Variants in NREP observed in about 807,000 individuals in gnomAD.
NREP encodes neuronal regeneration-related protein.
A neutral mutation model predicts 8.6 loss-of-function variants in NREP; 5 were observed. The ratio of observed to expected loss-of-function variants is 0.58; its 90% CI spans 0.30 to 1.22. NREP has a LOEUF of 1.22. Among genes scored for constraint, NREP ranks in the 50% most tolerant of loss-of-function variants. NREP has a pLI of 0.07. For missense variants in NREP, 86 were observed against 82.5 expected (o/e 1.04, Z -0.17); for synonymous variants, 27 against 28.0 (o/e 0.96, Z 0.11).
intron 2 of NREP, among the ~76,000 whole-genome samples, chr5:111,778,990 C>T (rs185536447): frequency 3.3e-5 from 5 of 152,088 alleles, no homozygotes; most frequent in Non-Finnish European, 5.9e-5. Context: ...GCAACCTTTA[C>T]GTTGCAATCA....
intron 2 of NREP, among the ~76,000 whole-genome samples, chr5:111,789,429 C>T (rs529747845): frequency 1.3e-5 from 2 of 152,254 alleles, no homozygotes; most frequent in Non-Finnish European, 2.9e-5. Context: ...GGTCTACATT[C>T]ATGTTTTTTC....
At chr5:111,798,306 A>AT (rs1751917678) in intron 2 of NREP, among the ~76,000 whole-genome samples, 1 of 152,154 alleles carries the variant, frequency 6.6e-6, no homozygotes, top group Non-Finnish European at 1.5e-5. Context: ...TTGGAAATTG[A>AT]CTTTTTCTAA....
At chr5:111,904,623 T>C (rs899194539) in intron 2 of NREP, among the ~76,000 whole-genome samples, 1 of 152,102 alleles carries the variant, frequency 6.6e-6, no homozygotes, top group Non-Finnish European at 1.5e-5. Context: ...TCATATTCCA[T>C]TGTATGTGAA....
At chr5:111,976,629 A>G in intron 1 of NREP, 1 of 1,188,978 alleles carries the variant, frequency 8.4e-7, no homozygotes, top group Non-Finnish European at 1.2e-6. Context: ...TCAGTGAGGC[A>G]GAGACAAACA....
chr5:111,793,613 C>A (rs1417700551), intron 2 of NREP, among the ~76,000 whole-genome samples: 1 of 152,166 alleles, frequency 6.6e-6, no homozygotes, highest in Admixed American at 6.5e-5. Context: ...CACAAACACA[C>A]TCAGAGATAA....
chr5:111,823,522 AGAAT>A (rs1254700686), intron 2 of NREP, among the ~76,000 whole-genome samples: 2 of 152,240 alleles, frequency 1.3e-5, no homozygotes, highest in Non-Finnish European at 2.9e-5. Flanking sequence ...TTGTTAAAAT[AGAAT>A]GATATAAAGA....
chr5:111,842,288 G>T (rs1269334558), intron 2 of NREP, among the ~76,000 whole-genome samples: 1 of 152,138 alleles, frequency 6.6e-6, no homozygotes, highest in Non-Finnish European at 1.5e-5. Context: ...CTATGCTAGA[G>T]ACAATGTAGT....
chr5:111,828,096 T>C (rs1461548403), intron 2 of NREP, among the ~76,000 whole-genome samples: 1 of 151,956 alleles, frequency 6.6e-6, no homozygotes, highest in Non-Finnish European at 1.5e-5. Flanking sequence ...AATGGCACGA[T>C]CTCGGCTCAC....
intron 2 of NREP, among the ~76,000 whole-genome samples, chr5:111,931,856 C>T (rs942767806): frequency 6.6e-5 from 10 of 151,938 alleles, no homozygotes; most frequent in African/African-American, 2.4e-4. Flanking sequence ...AAATAGATAT[C>T]TTTCTCATTA....
intron 2 of NREP, among the ~76,000 whole-genome samples, chr5:111,843,012 G>A (rs1169813854): frequency 6.6e-6 from 1 of 152,110 alleles, no homozygotes; most frequent in African/African-American, 2.4e-5. Context: ...ATTACAATGT[G>A]TCGTGGTGAA....
rs563104533 is a variant in NREP at position 111,884,771 on chromosome 5, A to G, written c.135+90503T>C. ...CAGAAAAGGCCTTTGACAAAATTCA[A>G]CAATGCTTCGTGCTAAAAACTCTCA... is the stretch of plus-strand genomic sequence containing the variant. On this transcript the variant is annotated intron_variant, in intron 2 of 3. Coordinates refer to the NREP transcript ENST00000395634. 7.2e-4 allele frequency among the ~76,000 whole-genome samples: 110 copies of G among 152,058 alleles called. No homozygotes were observed. The East Asian group carries it at 0.02, about 28-fold the overall frequency.
chr5:111,966,304 T>G (rs1038215356), intron 2 of NREP, among the ~76,000 whole-genome samples: 1 of 152,204 alleles, frequency 6.6e-6, no homozygotes, highest in Non-Finnish European at 1.5e-5. Context: ...GAATATCTAT[T>G]GATTAAAATG....
intron 2 of NREP, among the ~76,000 whole-genome samples, chr5:111,810,262 G>C (rs1352185090): frequency 6.6e-6 from 1 of 152,122 alleles, no homozygotes; most frequent in Non-Finnish European, 1.5e-5. Flanking sequence ...ACACAGAATA[G>C]AGTGTGAGAT....
At chr5:111,842,663 T>C (rs1165170417) in intron 2 of NREP, among the ~76,000 whole-genome samples, 1 of 152,218 alleles carries the variant, frequency 6.6e-6, no homozygotes, top group African/African-American at 2.4e-5. Flanking sequence ...ACTATATTTT[T>C]ACATTATATA....
At chr5:111,913,935 G>A (rs1388192423) in intron 2 of NREP, among the ~76,000 whole-genome samples, 1 of 152,110 alleles carries the variant, frequency 6.6e-6, no homozygotes, top group African/African-American at 2.4e-5. Context: ...CTAAAAGCAT[G>A]CCAAGCTTGA....
At chr5:111,851,235 A>G (rs1048909077) in intron 2 of NREP, among the ~76,000 whole-genome samples, 9 of 152,298 alleles carry the variant, frequency 5.9e-5, no homozygotes, top group Middle Eastern at 3.4e-3. Context: ...TTTATTCAAC[A>G]AATATTTATT....
chr5:111,809,870 C>CGTGTGT (rs3223253), intron 2 of NREP, among the ~76,000 whole-genome samples: 100 of 144,196 alleles, frequency 6.9e-4, no homozygotes, highest in Middle Eastern at 3.5e-3. Flanking sequence ...GGGACTTTGG[C>CGTGTGT]GTGTGTGTGT....
intron 2 of NREP, among the ~76,000 whole-genome samples, chr5:111,873,065 T>C (rs572647711): frequency 5.3e-5 from 8 of 152,240 alleles, no homozygotes; most frequent in Middle Eastern, 3.4e-3. Flanking sequence ...ATTTGGACAA[T>C]GGTAAACTGG....
chr5:111,880,594 T>C (rs1285838446), intron 2 of NREP, among the ~76,000 whole-genome samples: 4 of 152,220 alleles, frequency 2.6e-5, no homozygotes, highest in Admixed American at 2.0e-4. Context: ...TTAGGGACCA[T>C]CATAAAGACT....
Sources: gnomAD v4.1 joint callset for allele counts (sites outside exome capture counted in the v4.1 genomes callset) on GRCh38, gnomAD v4.1.1 for gene constraint, MANE v1.5 for transcripts, NCBI Gene and HGNC (gene_info 2026-07-23, HGNC 2026-07-21) for gene names.